Variants in DNAAF11 observed in about 807,000 individuals in gnomAD.
DNAAF11 encodes dynein axonemal assembly factor 11.
In DNAAF11, 45 loss-of-function variants were observed where a neutral mutation model predicts 60.8. The observed-to-expected ratio is 0.74, with a 90% CI of 0.58 to 0.95. DNAAF11 has a LOEUF of 0.95. Among genes scored for constraint, DNAAF11 ranks in the 40% least tolerant of loss-of-function variants. DNAAF11 has a pLI of 0.00. For synonymous variants in DNAAF11, 191 were observed against 183.5 expected (o/e 1.04, Z -0.33); for missense variants, 546 against 546.2 (o/e 1.00, Z 0.00).
chr8:132,695,300 G>A, the DNAAF11 span, among the ~76,000 whole-genome samples: 1 of 152,172 alleles, frequency 6.6e-6, no homozygotes, highest in Non-Finnish European at 1.5e-5. Flanking sequence ...TTTAAGACAG[G>A]TATTATTACA....
chr8:132,696,037 C>T, the DNAAF11 span, among the ~76,000 whole-genome samples: 17 of 152,130 alleles, frequency 1.1e-4, 1 homozygote, highest in Middle Eastern at 6.8e-3. Context: ...GTGGAATGTT[C>T]GATATTGATG....
At chr8:132,608,112 TTGG>T (rs1354915947) in intron 10 of DNAAF11, among the ~76,000 whole-genome samples, 2 of 152,130 alleles carry the variant, frequency 1.3e-5, no homozygotes, top group African/African-American at 4.8e-5. Flanking sequence ...TTTTTAACTT[TTGG>T]TGGTTTTTAA....
At chr8:132,620,650 G>A (rs1277111540) in intron 7 of DNAAF11, among the ~76,000 whole-genome samples, 1 of 152,176 alleles carries the variant, frequency 6.6e-6, no homozygotes, top group African/African-American at 2.4e-5. Context: ...ACTGATTTCT[G>A]TGATGAACCA....
At chr8:132,675,554 C>A, upstream of DNAAF11, 2 of 1,512,334 alleles carry the variant, frequency 1.3e-6, no homozygotes, top group Admixed American at 2.0e-5. Flanking sequence ...ACGCTTTTCA[C>A]CCTTCACCCC....
At chr8:132,608,754 T>C (rs1789960225) in intron 10 of DNAAF11, among the ~76,000 whole-genome samples, 1 of 152,212 alleles carries the variant, frequency 6.6e-6, no homozygotes. Flanking sequence ...AATATTCTGG[T>C]TACTATAGAA....
At chr8:132,674,131 AGGAGAAGGAGG>A (rs1825490815) in intron 1 of DNAAF11, among the ~76,000 whole-genome samples, 1 of 147,542 alleles carries the variant, frequency 6.8e-6, no homozygotes. Flanking sequence ...GAGGAGGAGG[AGGAGAAGGAGG>A]AGGAAGAGGA....
intron 7 of DNAAF11, among the ~76,000 whole-genome samples, chr8:132,615,474 C>T (rs1819049025): frequency 6.6e-6 from 1 of 152,170 alleles, no homozygotes; most frequent in Non-Finnish European, 1.5e-5. Context: ...GCTTTTGCCT[C>T]CCCTTTATCC....
At chr8:132,673,441 G>A (rs1049925048) in intron 1 of DNAAF11, among the ~76,000 whole-genome samples, 1 of 152,014 alleles carries the variant, frequency 6.6e-6, no homozygotes, top group African/African-American at 2.4e-5. Flanking sequence ...TCTCCCACTC[G>A]AACTCCTATA....
upstream of DNAAF11, among the ~76,000 whole-genome samples, chr8:132,677,136 A>G (rs1020660184): frequency 6.6e-6 from 1 of 152,220 alleles, no homozygotes; most frequent in Non-Finnish European, 1.5e-5. Context: ...CTGACACGTG[A>G]CACTGAGCAC....
At chr8:132,623,362 T>C (rs1819945333) in intron 6 of DNAAF11, among the ~76,000 whole-genome samples, 1 of 152,124 alleles carries the variant, frequency 6.6e-6, no homozygotes, top group Non-Finnish European at 1.5e-5. Context: ...AAATCCATTT[T>C]TGTTTTACAA....
At chr8:132,624,283 C>T (rs1359411388) in intron 6 of DNAAF11, among the ~76,000 whole-genome samples, 4 of 152,024 alleles carry the variant, frequency 2.6e-5, no homozygotes, top group Non-Finnish European at 5.9e-5. Context: ...GTATGATAAT[C>T]CCTGTTTAGC....
At chr8:132,596,720 T>C (rs1030996709) in intron 10 of DNAAF11, among the ~76,000 whole-genome samples, 5 of 152,194 alleles carry the variant, frequency 3.3e-5, no homozygotes, top group Admixed American at 1.3e-4. Context: ...CCTAGGCTAC[T>C]TTAGCCTCAC....
chr8:132,701,754 G>A, the DNAAF11 span, among the ~76,000 whole-genome samples: 1 of 152,224 alleles, frequency 6.6e-6, no homozygotes, highest in African/African-American at 2.4e-5. Context: ...CTGGTGCAGT[G>A]TGACAGCTGA....
chr8:132,656,898 C>T lies in DNAAF11; in HGVS notation c.188G>A (p.Ser63Asn). 7.7e-7 allele frequency: 1 copy of T among 1,306,620 alleles called. No individual in the cohort carries two copies. The highest frequency in any genetic ancestry group is 1.1e-6 in the Non-Finnish European group (1 of 924,028). The allele number at this position is 1,306,620 out of a possible 1,614,324, so 80.9% of individuals were successfully genotyped here. The change falls in exon 3 of 12, where the codon AGC (serine) becomes AAC (asparagine). Residue 63 changes from serine (S) to asparagine (N), a missense_variant. Coordinates refer to ENST00000620350, the MANE Select transcript of DNAAF11 (RefSeq NM_012472.6). The part of the protein sequence containing the change: ...NNLIGKIENV[S>N]KLKKLEYLNL... ...CAAATATTCAAGTTTCTTGAGTTTG[C>T]TAACATTTTCTGAAATACAAGATAA...
chr8:132,660,226 C>CT lies in DNAAF11; in HGVS notation c.178+1233dup, dbSNP rs563667546. On this transcript the variant is annotated intron_variant, in intron 2 of 11. Coordinates refer to ENST00000620350, the MANE Select transcript of DNAAF11 (RefSeq NM_012472.6). ...CAGCTATCCTGTAATGAGTACTTATCTTTTTTTTTTTTAATTATACTTTAA... is the reference window on the plus strand; with the variant it reads ...CAGCTATCCTGTAATGAGTACTTATCTTTTTTTTTTTTTAATTATACTTTAA... 7.9e-3 allele frequency among the ~76,000 whole-genome samples: 1,151 copies of CT among 146,484 alleles called. 15 individuals carry two copies. Among genetic ancestry groups the CT allele is most frequent in the African/African-American group, 0.025 (1,005 of 40,232 alleles).
At chr8:132,680,796 C>G in the DNAAF11 span, among the ~76,000 whole-genome samples, 1 of 151,442 alleles carries the variant, frequency 6.6e-6, no homozygotes, top group East Asian at 2.0e-4. Context: ...TTCTTTATTT[C>G]CATCAGCATG....
chr8:132,601,864 A>C (rs1433428022), intron 10 of DNAAF11, among the ~76,000 whole-genome samples: 4 of 152,142 alleles, frequency 2.6e-5, no homozygotes, highest in African/African-American at 9.7e-5. Flanking sequence ...TGGTGCATAT[A>C]TACATATGTA....
chr8:132,661,762 CAA>C, intron 1 of DNAAF11, 135 bp from the exon 2 acceptor site: 1 of 836,280 alleles, frequency 1.2e-6, no homozygotes, highest in South Asian at 1.4e-5. Context: ...AAGCGATTTT[CAA>C]AGTGAGAGAG....
At chr8:132,604,343 T>C (rs751312919) in intron 10 of DNAAF11, among the ~76,000 whole-genome samples, 6 of 152,206 alleles carry the variant, frequency 3.9e-5, no homozygotes, top group Admixed American at 6.5e-5. Context: ...TTGACCTTAA[T>C]ATGTGATCTT....
Sources: allele counts gnomAD v4.1 joint callset (sites outside exome capture counted in the v4.1 genomes callset), GRCh38; gene constraint gnomAD v4.1.1; transcripts MANE v1.5; gene names NCBI Gene and HGNC (gene_info 2026-07-23, HGNC 2026-07-21).